Variants in VARS1 observed in about 807,000 individuals in gnomAD.
The protein encoded by VARS1 is valine--tRNA ligase.
In VARS1, 92 loss-of-function variants were observed where a neutral mutation model predicts 161.0. That is an observed-to-expected ratio of 0.57 (90% confidence interval 0.48 to 0.68). VARS1 has a LOEUF of 0.68. Ranked by LOEUF, VARS1 falls within the 30% of genes least tolerant of loss-of-function variation. The probability of loss-of-function intolerance (pLI) is 0.00; values close to 1 mark genes in which losing one functional copy is unlikely to be tolerated. For missense variants in VARS1, 1,338 were observed against 1,695.9 expected (o/e 0.79, Z 3.71); for synonymous variants, 595 against 682.5 (o/e 0.87, Z 2.00).
Position 31,793,066 on chromosome 6 carries a change from G to A in VARS1, c.442C>T (p.Leu148=). The A allele has an allele frequency of 2.5e-6, 4 of 1,612,942 alleles. No individual in the cohort carries two copies. The highest frequency in any genetic ancestry group is 3.4e-6 in the Non-Finnish European group (4 of 1,180,008). Residue 148 remains leucine, a synonymous_variant, in exon 3 of 30, where the codon CTG becomes TTG. Coordinates refer to ENST00000375663, the MANE Select transcript of VARS1 (RefSeq NM_006295.3). ...ALSPLEEWLR[L]HTYLAGEAPT... ...GCCTCCCCGGCCAAGTAGGTGTGCAGCCGAAGCCACTCCTCCAAGGGGCTC... is the reference window on the plus strand; with the variant it reads ...GCCTCCCCGGCCAAGTAGGTGTGCAACCGAAGCCACTCCTCCAAGGGGCTC...
Position 31,792,771 on chromosome 6 carries a change from A to G in VARS1, c.647T>C (p.Leu216Pro). The change falls in exon 4 of 30, where the codon CTC becomes CCC. Residue 216 changes from leucine (L) to proline (P), a missense_variant. Transcript: ENST00000375663. ...CCCTTCCTCACCTGGCTGATGAGAG[A>G]GAGGCCTGGCTCCTGAGTATAGAAC... ...EVVLYSGARP[L>P]SHQPGPEAPA... 6.2e-7 allele frequency: 1 copy of G among 1,614,168 alleles called. No homozygotes were observed. Among genetic ancestry groups the G allele is most frequent in the Non-Finnish European group, 8.5e-7 (1 of 1,180,034 alleles).
At chr6:31,786,185 G>A (rs532290175) in intron 8 of VARS1, among the ~76,000 whole-genome samples, 6 of 152,224 alleles carry the variant, frequency 3.9e-5, no homozygotes, top group South Asian at 2.1e-4. Flanking sequence ...GCTTGAACCC[G>A]GGAAGCAGAG....
Position 31,780,989 on chromosome 6 carries a change from C to A in VARS1, c.2649+30G>T, listed in dbSNP as rs903023980. 4.3e-6 allele frequency: 7 copies of A among 1,614,070 alleles called. No individual in the cohort carries two copies. Among genetic ancestry groups the A allele is most frequent in the Non-Finnish European group, 5.9e-6 (7 of 1,179,998 alleles). On this transcript the variant is annotated intron_variant, in intron 22 of 29. Coordinates refer to ENST00000375663, the MANE Select transcript of VARS1 (RefSeq NM_006295.3). The surrounding 1 kb of genome is among the most constrained non-coding windows in gnomAD (Gnocchi z 5.1). Reference sequence around the variant, plus strand: ...GTGGCTGTGACCACAGCCCCACGGCCCTTCCTGGCTGGCCCAGCACCCAGC... The same window carrying A: ...GTGGCTGTGACCACAGCCCCACGGCACTTCCTGGCTGGCCCAGCACCCAGC...
At position 31,791,951 on chromosome 6, in the gene VARS1, C is replaced by T. The variant is rs192008132; in HGVS notation, c.892G>A (p.Asp298Asn). 2 of 1,597,570 alleles carry T rather than the reference C, an allele frequency of 1.3e-6. No homozygotes were observed. The highest frequency in any genetic ancestry group is 3.4e-5 in the Admixed American group (2 of 58,766). ...EKKDVSGPMP[D>N]SYSPRYVEAA... ...TCCACATACCGAGGGCTGTAGGAGT[C>T]GGGCATGGGGCCACTGACATCTGGG... The change falls in exon 7 of 30, where the codon GAC becomes AAC. Residue 298 changes from aspartate (D) to asparagine (N), a missense_variant. Physicochemically the swap from Asp to Asn is conservative, Grantham distance 23. Transcript: ENST00000375663. This position sits in a 1 kb window ranked among gnomAD's most constrained non-coding sequence, Gnocchi z 5.0.
At chr6:31,788,774 A>G (rs1813685302) in intron 8 of VARS1, among the ~76,000 whole-genome samples, 2 of 151,984 alleles carry the variant, frequency 1.3e-5, no homozygotes, top group Admixed American at 6.6e-5. Context: ...GCGCCACCGC[A>G]CTCCAGCCTG....
rs1814217330 is a variant in VARS1 at position 31,795,436 on chromosome 6, T to G, written c.-34+110A>C. 1 of 398,104 alleles carries G rather than the reference T, an allele frequency of 2.5e-6. No individual in the cohort carries two copies. The highest frequency in any genetic ancestry group is 4.4e-6 in the Non-Finnish European group (1 of 227,630). The allele number at this position is 398,104 out of a possible 1,614,324, so 24.7% of individuals were successfully genotyped here. A position where few individuals can be genotyped will look rare whatever the true frequency, so the allele number is the denominator to read the frequency against. On this transcript the variant is annotated intron_variant, in intron 1 of 29. Coordinates refer to ENST00000375663, the MANE Select transcript of VARS1 (RefSeq NM_006295.3). The surrounding 1 kb of genome is among the most constrained non-coding windows in gnomAD (Gnocchi z 6.9). ...TCAGAGGGGCAGTGTCAGTGGGGAG[T>G]TCCTGGGGAAGAGGAACTATCCACC...
rs1581634401 is a variant in VARS1 at position 31,780,635 on chromosome 6, G to A, written c.2798-67C>T. Reference sequence around the variant, plus strand: ...CAGCCCATGCCCACCAGAGGCTCAGGGTGGAGAAGAGGGATGGGCCTCACA... The same window carrying A: ...CAGCCCATGCCCACCAGAGGCTCAGAGTGGAGAAGAGGGATGGGCCTCACA... On this transcript the variant is annotated intron_variant, in intron 24 of 29. Transcript: ENST00000375663. This position sits in a 1 kb window ranked among gnomAD's most constrained non-coding sequence, Gnocchi z 5.1. The A allele has an allele frequency of 6.2e-6, 10 of 1,612,572 alleles. No homozygotes were observed. The East Asian group carries it at 1.1e-4, about 18-fold the overall frequency.
chr6:31,783,872 A>G (rs1317729214), intron 13 of VARS1, among the ~76,000 whole-genome samples: 3 of 152,162 alleles, frequency 2.0e-5, no homozygotes, highest in Middle Eastern at 3.2e-3. Flanking sequence ...TATGTTGGCC[A>G]GGCTAGTCTC....
rs1431926800 is a variant in VARS1, at chr6:31,778,387, C to A, written c.3726+580G>T. On this transcript the variant is annotated intron_variant, in intron 29 of 29. Transcript: ENST00000375663. This position sits in a 1 kb window ranked among gnomAD's most constrained non-coding sequence, Gnocchi z 5.1. ...GGGTTGTGCCCAGCCCCCAGCTGCT[C>A]CCCATGTGTAAGGGGAGGGCCTTCT... Among the ~76,000 whole-genome samples, 2 of 152,238 alleles carry A rather than the reference C, an allele frequency of 1.3e-5. No individual in the cohort carries two copies. The highest frequency in any genetic ancestry group is 2.9e-5 in the Non-Finnish European group (2 of 68,046).
chr6:31,781,300 G>A lies in VARS1; in HGVS notation c.2545-177C>T. 1 of 1,209,276 alleles carries A rather than the reference G, an allele frequency of 8.3e-7. No homozygotes were observed. 74.9% of individuals were successfully genotyped at this position (1,209,276 alleles called of 1,614,324 possible). On this transcript the variant is annotated intron_variant, in intron 21 of 29. Transcript: ENST00000375663. The surrounding 1 kb of genome is among the most constrained non-coding windows in gnomAD (Gnocchi z 6.8). ...GAAGCACTCCTTCCTCTGGGAAGAT[G>A]AAGCCCTGGGCACAGGAATCACTGA...
rs1211096126 is a variant in VARS1 at position 31,779,168 on chromosome 6, A to AC, written c.3524dup (p.Cys1176LeufsTer8). ...GATCAGAAGCCAGAGCCACAGCGCA[A>AC]CCCTGGGGGGCGGGAGCCCCCAGGG... On this transcript the variant is annotated frameshift_variant, in exon 29 of 30. Coordinates refer to ENST00000375663, the MANE Select transcript of VARS1 (RefSeq NM_006295.3). LOFTEE classifies it high-confidence loss of function. The surrounding 1 kb of genome is among the most constrained non-coding windows in gnomAD (Gnocchi z 9.1). The AC allele has an allele frequency of 6.2e-7, 1 of 1,605,438 alleles. No individual in the cohort carries two copies. The highest frequency in any genetic ancestry group is 1.1e-5 in the South Asian group (1 of 90,442).
rs1812907020 is a variant in VARS1, at chr6:31,778,784, G to A, written c.3726+183C>T. 1.1e-5 allele frequency: 9 copies of A among 818,518 alleles called. No homozygotes were observed. The highest frequency in any genetic ancestry group is 6.9e-5 in the African/African-American group (4 of 57,626). 50.7% of individuals were successfully genotyped at this position (818,518 alleles called of 1,614,324 possible). On this transcript the variant is annotated intron_variant, in intron 29 of 29. Coordinates refer to ENST00000375663, the MANE Select transcript of VARS1 (RefSeq NM_006295.3). The surrounding 1 kb of genome is among the most constrained non-coding windows in gnomAD (Gnocchi z 5.1). Reference sequence around the variant, plus strand: ...GGCCTCCCAAATTTCTGGGATTACAGGTGTGAGCCACTGAGCCAGGCTGTT... The same window carrying A: ...GGCCTCCCAAATTTCTGGGATTACAAGTGTGAGCCACTGAGCCAGGCTGTT...
Position 31,784,435 on chromosome 6 carries a change from A to G in VARS1, c.1535T>C (p.Phe512Ser). 1.2e-6 allele frequency: 2 copies of G among 1,614,012 alleles called. No individual in the cohort carries two copies. The highest frequency in any genetic ancestry group is 1.7e-6 in the Non-Finnish European group (2 of 1,180,020). Residue 512 changes from phenylalanine (F) to serine (S), a missense_variant, in exon 12 of 30, where the codon TTC (phenylalanine) becomes TCC (serine). Physicochemically the swap from Phe to Ser is radical, Grantham distance 155. Coordinates refer to ENST00000375663, the MANE Select transcript of VARS1 (RefSeq NM_006295.3). The surrounding 1 kb of genome is among the most constrained non-coding windows in gnomAD (Gnocchi z 6.1). ...ATAGGCAAAGGACACGAGGACCCCG[A>G]ACTCCACCTTCTCCTTGTAGCCAGG... is the stretch of plus-strand genomic sequence containing the variant. ...SVPGYKEKVE[F>S]GVLVSFAYKV...
At position 31,783,136 on chromosome 6, in the gene VARS1, G is replaced by A; in HGVS notation, c.1722C>T (p.Pro574=). ...VIHPFLSRSL[P]IVFDEFVDMD... ...TGTCCACAAATTCATCGAAGACAATGGGAAGGCTCCGAGACAGGAATGGGT... is the reference window on the plus strand; with the variant it reads ...TGTCCACAAATTCATCGAAGACAATAGGAAGGCTCCGAGACAGGAATGGGT... Residue 574 remains proline, a synonymous_variant, in exon 14 of 30, where the codon CCC becomes CCT. Coordinates refer to ENST00000375663, the MANE Select transcript of VARS1 (RefSeq NM_006295.3). 1 of 1,612,848 alleles carries A rather than the reference G, an allele frequency of 6.2e-7. No homozygotes were observed. Among genetic ancestry groups the A allele is most frequent in the Non-Finnish European group, 8.5e-7 (1 of 1,179,982 alleles).
rs1260584796 is a variant in VARS1 at position 31,782,412 on chromosome 6, G to A, written c.2023C>T (p.Arg675Trp). The change falls in exon 17 of 30, where the codon CGG becomes TGG. Residue 675 changes from arginine to tryptophan, a missense_variant. Arg to Trp is a moderately radical substitution (Grantham distance 101). This residue lies in a region of VARS1 where 902 missense variants were observed against 1,090.3 expected (regional missense o/e 0.83). Transcript: ENST00000375663. The surrounding 1 kb of genome is among the most constrained non-coding windows in gnomAD (Gnocchi z 8.3). The stretch of plus-strand genomic sequence containing the variant: ...CCGCAGCGAACGTACCACTGCGGCC[G>A]CAGCAGAGGCTCTACCACGTCCTTC... ...RSKDVVEPLLRPQWYVRCGEM... is the reference protein window; with the variant it reads ...RSKDVVEPLLWPQWYVRCGEM... The A allele has an allele frequency of 8.1e-6, 13 of 1,612,012 alleles. No individual in the cohort carries two copies. Among genetic ancestry groups the A allele is most frequent in the East Asian group, 4.5e-5 (2 of 44,842 alleles).
chr6:31,780,441 C>T lies in VARS1; in HGVS notation c.2925G>A (p.Gln975=). 1 of 1,612,320 alleles carries T rather than the reference C, an allele frequency of 6.2e-7. No homozygotes were observed. Among genetic ancestry groups the T allele is most frequent in the Non-Finnish European group, 8.5e-7 (1 of 1,179,120 alleles). The change falls in exon 25 of 30, where the codon CAG becomes CAA. Residue 975 remains glutamine (Q), a splice_region_variant and synonymous_variant. Coordinates refer to ENST00000375663, the MANE Select transcript of VARS1 (RefSeq NM_006295.3). The surrounding 1 kb of genome is among the most constrained non-coding windows in gnomAD (Gnocchi z 5.1). ...GKGFVPSPTS[Q]PGGHESLVDR... Reference sequence around the variant, plus strand: ...GCTTTGCTGCCCACCAGGCCCTTACCTGGGAGGTGGGTGAGGGCACAAAAC... The same window carrying T: ...GCTTTGCTGCCCACCAGGCCCTTACTTGGGAGGTGGGTGAGGGCACAAAAC...
At position 31,785,257 on chromosome 6, in the gene VARS1, T is replaced by C. The variant is rs1005273254; in HGVS notation, c.1336A>G (p.Thr446Ala). ...CTCCTCCCACGCACAGGGTCCATGG[T>C]GAAACAGGCTCGATCCCAGTCCAAG... The part of the protein sequence containing the change: ...SSLDWDRACF[T>A]MDPKLSAAVT... The change falls in exon 10 of 30, where the codon ACC becomes GCC. Residue 446 changes from threonine (T) to alanine (A), a missense_variant. By Grantham distance (58) the Thr-to-Ala change is moderately conservative (BLOSUM62 0). Around this residue, in one of 3 missense-constraint regions of VARS1, gnomAD observed 902 missense variants for 1,090.3 expected, o/e 0.83. Transcript: ENST00000375663. This position sits in a 1 kb window ranked among gnomAD's most constrained non-coding sequence, Gnocchi z 6.1. The C allele has an allele frequency of 1.2e-6, 2 of 1,612,910 alleles. No individual in the cohort carries two copies. The highest frequency in any genetic ancestry group is 1.7e-6 in the Non-Finnish European group (2 of 1,180,016).
In VARS1 at chr6:31,781,405, G is replaced by A. The variant is rs1298967162; in HGVS notation, c.2544+76C>T. On this transcript the variant is annotated intron_variant, in intron 21 of 29. Transcript: ENST00000375663. This position sits in a 1 kb window ranked among gnomAD's most constrained non-coding sequence, Gnocchi z 6.8. ...ACAGCTAACCCCATGCCCCAGCCACGCGGGGTCTGCGCTGCAGCACAGGAC... is the reference window on the plus strand; with the variant it reads ...ACAGCTAACCCCATGCCCCAGCCACACGGGGTCTGCGCTGCAGCACAGGAC... 7.7e-6 allele frequency: 12 copies of A among 1,562,696 alleles called. No homozygotes were observed. Among genetic ancestry groups the A allele is most frequent in the Middle Eastern group, 4.5e-4 (2 of 4,442 alleles).
At chr6:31,789,004 T>A (rs1813700607) in intron 8 of VARS1, among the ~76,000 whole-genome samples, 1 of 151,972 alleles carries the variant, frequency 6.6e-6, no homozygotes, top group South Asian at 2.1e-4. Context: ...ATTCTCAAAA[T>A]TTAAATATAA....
Sources: gnomAD v4.1 joint callset for allele counts (sites outside exome capture counted in the v4.1 genomes callset) on GRCh38, gnomAD v4.1.1 for gene constraint, gnomAD v4.1.1 regional missense constraint, Gnocchi (gnomAD v3.1) non-coding constraint, MANE v1.5 for transcripts, NCBI Gene and HGNC (gene_info 2026-07-23, HGNC 2026-07-21) for gene names.